Variants in TRHDE observed in about 807,000 individuals in gnomAD.
TRHDE encodes the protein thyrotropin releasing hormone degrading enzyme.
In TRHDE, 72 loss-of-function variants were observed where a neutral mutation model predicts 125.7. That is an observed-to-expected ratio of 0.57 (90% CI 0.47 to 0.70). The LOEUF (loss-of-function observed/expected upper bound fraction) is 0.70. Ranked by LOEUF, TRHDE falls within the 30% of genes least tolerant of loss-of-function variation. The pLI, the probability that TRHDE is intolerant of heterozygous loss-of-function variation, is 0.00. For missense variants in TRHDE, 1,110 were observed against 1,327.1 expected, an observed-to-expected ratio of 0.84 and a Z score of 2.54; for synonymous variants, 509 against 509.1, an observed-to-expected ratio of 1.00 and a Z score of 0.00.
chr12:72,607,544 T>C (rs10784979), intron 12 of TRHDE, among the ~76,000 whole-genome samples: 60,898 of 151,912 alleles, frequency 0.4, 14,193 homozygotes, highest in African/African-American at 0.64. Context: ...AAATCCTTGA[T>C]GGTTTTCTTT....
intron 15 of TRHDE, among the ~76,000 whole-genome samples, chr12:72,638,913 C>T (rs1211795928): frequency 6.7e-6 from 1 of 150,062 alleles, no homozygotes; most frequent in Non-Finnish European, 1.5e-5. Context: ...GGTAACCCGA[C>T]CTTCCTCTCT....
At chr12:72,444,014 C>T (rs1466517443) in intron 3 of TRHDE, among the ~76,000 whole-genome samples, 2 of 151,778 alleles carry the variant, frequency 1.3e-5, no homozygotes, top group Middle Eastern at 3.2e-3. Flanking sequence ...AAACTAAATG[C>T]TAATTTATTT....
intron 2 of TRHDE, among the ~76,000 whole-genome samples, chr12:72,359,176 A>G (rs183162726): frequency 6.6e-6 from 1 of 151,152 alleles, no homozygotes; most frequent in East Asian, 2.0e-4. Context: ...TTAACAGATC[A>G]CAAGAAAAAA....
intron 15 of TRHDE, among the ~76,000 whole-genome samples, chr12:72,635,741 A>G (rs1217064816): frequency 6.6e-6 from 1 of 151,640 alleles, no homozygotes; most frequent in Admixed American, 6.6e-5. Flanking sequence ...TTTTCCCAGC[A>G]CCATTTATTA....
chr12:72,561,828 A>G (rs1420023497), intron 7 of TRHDE, among the ~76,000 whole-genome samples: 1 of 152,134 alleles, frequency 6.6e-6, no homozygotes, highest in Non-Finnish European at 1.5e-5. Flanking sequence ...CTGATGGGAA[A>G]GTTTCTCTAA....
At chr12:72,223,058 C>T (rs940610690) in intron 2 of TRHDE, among the ~76,000 whole-genome samples, 34 of 152,040 alleles carry the variant, frequency 2.2e-4, no homozygotes, top group African/African-American at 7.5e-4. Context: ...TGTTGCTATA[C>T]TGCCCAAAAC....
chr12:72,102,111 T>C (rs116558372), intron 1 of TRHDE, among the ~76,000 whole-genome samples: 1,689 of 152,090 alleles, frequency 0.011, 27 homozygotes, highest in African/African-American at 0.038. Flanking sequence ...CAATTGGGAG[T>C]GTAGAGACTT....
chr12:72,641,308 CAG>C (rs1239825072), intron 15 of TRHDE, among the ~76,000 whole-genome samples: 3 of 151,988 alleles, frequency 2.0e-5, no homozygotes, highest in East Asian at 1.9e-4. Flanking sequence ...CTAACAGTAA[CAG>C]AATTTATTTT....
chr12:72,259,980 G>A (rs916590386), intron 2 of TRHDE, among the ~76,000 whole-genome samples: 1 of 152,206 alleles, frequency 6.6e-6, no homozygotes, highest in Non-Finnish European at 1.5e-5. Context: ...GTTATAGCAT[G>A]TGAGTATTTT....
At position 72,553,849 on chromosome 12, in the gene TRHDE, C is replaced by CT. The variant is rs56187409; in HGVS notation, c.1789-8299dup. 1.0e-2 allele frequency among the ~76,000 whole-genome samples: 1,335 copies of CT among 133,792 alleles called. 11 individuals carry two copies. The highest frequency in any genetic ancestry group is 0.027 in the Middle Eastern group (7 of 264). The allele number at this position is 133,792 out of a possible 152,430, so 87.8% of individuals were successfully genotyped here. ...TCTTCTCTGTTCTTTTCTTTTCCTTCTTTTTTTTTTTTTTTTTATTTGGAG... is the reference window on the plus strand; with the variant it reads ...TCTTCTCTGTTCTTTTCTTTTCCTTCTTTTTTTTTTTTTTTTTTATTTGGAG... On this transcript the variant is annotated intron_variant, in intron 7 of 18. Transcript: ENST00000261180.
chr12:72,529,499 CTA>C (rs1391244512), intron 6 of TRHDE, among the ~76,000 whole-genome samples: 1 of 152,106 alleles, frequency 6.6e-6, no homozygotes, highest in Admixed American at 6.6e-5. Flanking sequence ...ACTCAGACCT[CTA>C]TTTTATTTAT....
intron 3 of TRHDE, among the ~76,000 whole-genome samples, chr12:72,403,835 AC>A (rs1294764862): frequency 6.6e-6 from 1 of 152,194 alleles, no homozygotes; most frequent in African/African-American, 2.4e-5. Context: ...AACCAGCATT[AC>A]CAGGTCAGAT....
intron 1 of TRHDE, among the ~76,000 whole-genome samples, chr12:72,275,561 G>C (rs1388669269): frequency 3.3e-5 from 5 of 152,166 alleles, no homozygotes; most frequent in Non-Finnish European, 7.4e-5. Flanking sequence ...TTAGGAACAA[G>C]CTTCTTAGGT....
intron 1 of TRHDE, among the ~76,000 whole-genome samples, chr12:72,102,654 G>A (rs185214159): frequency 1.5e-3 from 223 of 152,290 alleles, no homozygotes; most frequent in Non-Finnish European, 2.3e-3. Flanking sequence ...GGAGTTTAAG[G>A]GGAGGAGAAG....
At chr12:72,221,771 C>G (rs1484824) in intron 2 of TRHDE, among the ~76,000 whole-genome samples, 30,645 of 152,160 alleles carry the variant, frequency 0.2, 4,076 homozygotes, top group Non-Finnish European at 0.3. Flanking sequence ...ACCATACATT[C>G]AGCTATCTAC....
chr12:72,318,263 C>A (rs1433905845), intron 2 of TRHDE, among the ~76,000 whole-genome samples: 1 of 151,974 alleles, frequency 6.6e-6, no homozygotes, highest in Non-Finnish European at 1.5e-5. Context: ...AATGAGGGTA[C>A]ATTCTAGATA....
In TRHDE at chr12:72,645,725, T is replaced by G. The variant is rs1229593335; in HGVS notation, c.2676-6597T>G. 2.0e-5 allele frequency among the ~76,000 whole-genome samples: 3 copies of G among 152,192 alleles called. No individual in the cohort carries two copies. The East Asian group carries it at 5.8e-4, about 29-fold the overall frequency. On this transcript the variant is annotated intron_variant, in intron 15 of 18. Coordinates refer to ENST00000261180, the MANE Select transcript of TRHDE (RefSeq NM_013381.3). ...AATTTTGAAAGCAGCAAAAGTAAAGTGACTTGGCACCTGCTAAGGAACACT... is the reference window on the plus strand; with the variant it reads ...AATTTTGAAAGCAGCAAAAGTAAAGGGACTTGGCACCTGCTAAGGAACACT...
intron 18 of TRHDE, among the ~76,000 whole-genome samples, chr12:72,658,438 C>A (rs990934519): frequency 1.3e-5 from 2 of 152,240 alleles, no homozygotes; most frequent in Middle Eastern, 3.4e-3. Context: ...TTGCTTCCTT[C>A]GTTCTCTGTG....
At chr12:72,222,938 G>T (rs1000418308) in intron 2 of TRHDE, among the ~76,000 whole-genome samples, 4 of 152,074 alleles carry the variant, frequency 2.6e-5, no homozygotes, top group Non-Finnish European at 5.9e-5. Flanking sequence ...TGCCTCAGGT[G>T]CCAAAGATAA....
Sources: allele counts gnomAD v4.1 joint callset (sites outside exome capture counted in the v4.1 genomes callset), GRCh38; gene constraint gnomAD v4.1.1; transcripts MANE v1.5; gene names NCBI Gene and HGNC (gene_info 2026-07-23, HGNC 2026-07-21).